RGS5: variants seen among roughly 807,000 people sequenced by gnomAD.
The protein encoded by RGS5 is regulator of G protein signaling 5, also known as regulator of G-protein signalling 5.
A neutral mutation model predicts 18.9 loss-of-function variants in RGS5; 20 were observed. The ratio of observed to expected loss-of-function variants is 1.06; its 90% confidence interval spans 0.74 to 1.54. The LOEUF (loss-of-function observed/expected upper bound fraction) is 1.54. RGS5 is among the 40% of genes most tolerant of loss of function. The pLI, the probability that RGS5 is intolerant of heterozygous loss-of-function variation, is 0.00. For synonymous variants in RGS5, 57 were observed against 76.2 expected (o/e 0.75, Z 1.31); for missense variants, 201 against 211.8 (o/e 0.95, Z 0.32).
intron 1 of RGS5, among the ~76,000 whole-genome samples, chr1:163,180,761 C>A (rs1410873299): frequency 2.5e-5 from 3 of 121,730 alleles, no homozygotes; most frequent in African/African-American, 9.3e-5. Flanking sequence ...GTGGTGTAAT[C>A]TCGTCTCACT....
chr1:163,164,541 G>A (rs896405412), intron 2 of RGS5, among the ~76,000 whole-genome samples: 1 of 152,150 alleles, frequency 6.6e-6, no homozygotes, highest in South Asian at 2.1e-4. Flanking sequence ...ACTCACTGCC[G>A]AAGGGTATAG....
At chr1:163,244,609 T>C (rs1647880179) in intron 2 of RGS5, 1 of 152,184 alleles carries the variant, frequency 6.6e-6, no homozygotes, top group African/African-American at 2.4e-5. Flanking sequence ...ATTAAGGGAC[T>C]CGGAAAAGAC....
Position 163,178,197 on chromosome 1 carries a change from G to T in RGS5, c.45-9829C>A, listed in dbSNP as rs1049045835. ...GTGGTGGTACGTGCCTGTAGTCCCAGCTACTAGGGAAGCTGAGGCACAAGA... is the reference window on the plus strand; with the variant it reads ...GTGGTGGTACGTGCCTGTAGTCCCATCTACTAGGGAAGCTGAGGCACAAGA... On this transcript the variant is annotated intron_variant, in intron 1 of 4. Transcript: ENST00000313961. 3.2e-4 allele frequency among the ~76,000 whole-genome samples: 48 copies of T among 152,250 alleles called. No individual in the cohort carries two copies. In the East Asian group the frequency reaches 5.4e-3, roughly 17 times the overall value.
intron 2 of RGS5, among the ~76,000 whole-genome samples, chr1:163,306,029 A>C (rs909011074): frequency 1.3e-5 from 2 of 152,198 alleles, no homozygotes; most frequent in African/African-American, 4.8e-5. Flanking sequence ...TACATCTTAA[A>C]CAGTTTCACC....
intron 2 of RGS5, among the ~76,000 whole-genome samples, chr1:163,280,814 C>T (rs1039281198): frequency 6.6e-6 from 1 of 152,092 alleles, no homozygotes; most frequent in Non-Finnish European, 1.5e-5. Context: ...ATAGCCAAAG[C>T]AATATTGAAC....
chr1:163,219,378 T>A (rs1215097584), upstream of RGS5, among the ~76,000 whole-genome samples: 1 of 152,220 alleles, frequency 6.6e-6, no homozygotes, highest in Non-Finnish European at 1.5e-5. Context: ...GGCCTCTTCA[T>A]GAAGCTTGGG....
chr1:163,313,687 C>A (rs1023836334), intron 1 of RGS5, among the ~76,000 whole-genome samples: 4 of 152,214 alleles, frequency 2.6e-5, no homozygotes, highest in East Asian at 1.9e-4. Flanking sequence ...ACTGAGGAAC[C>A]CTTCATAGGT....
chr1:163,223,709 G>A (rs1473794462), intron 2 of RGS5, among the ~76,000 whole-genome samples: 1 of 152,066 alleles, frequency 6.6e-6, no homozygotes, highest in Non-Finnish European at 1.5e-5. Flanking sequence ...TTAGACATAA[G>A]CCAAGGTTAT....
chr1:163,158,955 G>T (rs980665391), intron 3 of RGS5, among the ~76,000 whole-genome samples: 1 of 152,076 alleles, frequency 6.6e-6, no homozygotes, highest in Non-Finnish European at 1.5e-5. Context: ...CATTTCAGAG[G>T]CCTCCCCTCA....
chr1:163,161,920 T>C lies in RGS5; in HGVS notation c.212A>G (p.Asn71Ser). 2 of 1,612,912 alleles carry C rather than the reference T, an allele frequency of 1.2e-6. No individual in the cohort carries two copies. The highest frequency in any genetic ancestry group is 1.7e-6 in the Non-Finnish European group (2 of 1,179,024). The change falls in exon 3 of 5, where the codon AAC (asparagine) becomes AGC (serine). Residue 71 changes from asparagine (N) to serine (S), a missense_variant. Asn to Ser is a conservative substitution (Grantham distance 46, BLOSUM62 1). Coordinates refer to ENST00000313961, the MANE Select transcript of RGS5 (RefSeq NM_003617.4). Reference sequence around the variant, plus strand: ...AACAAACAATGGAAACTTACAGTTGTTCTGCAGGAGTTTGTCCAGGGAATC... The same window carrying C: ...AACAAACAATGGAAACTTACAGTTGCTCTGCAGGAGTTTGTCCAGGGAATC... ...WRDSLDKLLQ[N>S]NYGLASFKSF...
intron 2 of RGS5, among the ~76,000 whole-genome samples, chr1:163,164,366 A>G (rs1350432955): frequency 6.6e-6 from 1 of 152,172 alleles, no homozygotes; most frequent in Admixed American, 6.5e-5. Flanking sequence ...TTTCAAATGA[A>G]ACTCAAAATA....
At chr1:163,285,616 G>A (rs575305604) in intron 2 of RGS5, among the ~76,000 whole-genome samples, 59 of 152,198 alleles carry the variant, frequency 3.9e-4, no homozygotes, top group African/African-American at 1.4e-3. Flanking sequence ...GTTCAGCTCT[G>A]TGTCCCCACA....
chr1:163,224,337 C>T lies in RGS5; in HGVS notation c.-280-55969G>A, dbSNP rs540177325. Among the ~76,000 whole-genome samples, 5 of 152,234 alleles carry T rather than the reference C, an allele frequency of 3.3e-5. No individual in the cohort carries two copies. The East Asian group carries it at 5.8e-4, about 18-fold the overall frequency. On this transcript the variant is annotated intron_variant, in intron 2 of 5. Transcript: ENST00000618415. ...TCTGTGTTTGGCTTATTTCACTTAACATAATGTCCTCTATGTTCATCCATG... is the reference window on the plus strand; with the variant it reads ...TCTGTGTTTGGCTTATTTCACTTAATATAATGTCCTCTATGTTCATCCATG...
intron 2 of RGS5, among the ~76,000 whole-genome samples, chr1:163,260,875 T>C (rs2101705429): frequency 6.6e-6 from 1 of 152,324 alleles, no homozygotes; most frequent in East Asian, 1.9e-4. Context: ...TAAGTAGTCC[T>C]GGAAACTTGT....
chr1:163,176,317 G>A (rs1477321064), intron 1 of RGS5, among the ~76,000 whole-genome samples: 1 of 152,206 alleles, frequency 6.6e-6, no homozygotes, highest in Non-Finnish European at 1.5e-5. Flanking sequence ...TAGGACCATG[G>A]TGGACAGAGA....
At chr1:163,224,152 G>T (rs1298896867) in intron 2 of RGS5, among the ~76,000 whole-genome samples, 1 of 151,942 alleles carries the variant, frequency 6.6e-6, no homozygotes, top group Non-Finnish European at 1.5e-5. Context: ...TAGAACACCA[G>T]AACTTGTCCC....
chr1:163,271,525 A>T (rs1648717327), intron 2 of RGS5, among the ~76,000 whole-genome samples: 1 of 152,192 alleles, frequency 6.6e-6, no homozygotes, highest in Non-Finnish European at 1.5e-5. Context: ...TCTGCAGCCT[A>T]CAGAACCATG....
chr1:163,297,903 G>A (rs998767999), intron 2 of RGS5, among the ~76,000 whole-genome samples: 13 of 151,976 alleles, frequency 8.6e-5, no homozygotes, highest in Non-Finnish European at 1.3e-4. Flanking sequence ...GTAATGTATT[G>A]TTTTATCTTT....
At chr1:163,318,773 A>C (rs1650097792) in intron 1 of RGS5, 1 of 152,190 alleles carries the variant, frequency 6.6e-6, no homozygotes, top group Non-Finnish European at 1.5e-5. Flanking sequence ...TACCAAATGC[A>C]AAAGAGAGGT....
Sources: allele counts gnomAD v4.1 joint callset (sites outside exome capture counted in the v4.1 genomes callset), GRCh38; gene constraint gnomAD v4.1.1; transcripts MANE v1.5; gene names NCBI Gene and HGNC (gene_info 2026-07-23, HGNC 2026-07-21).